CELF2: variants seen among roughly 807,000 people sequenced by gnomAD.
CELF2 encodes CUG triplet repeat RNA-binding protein 2.
In CELF2, 8 loss-of-function variants were observed where a neutral mutation model predicts 62.6. The observed-to-expected ratio is 0.13, with a 90% CI of 0.07 to 0.23. The LOEUF (loss-of-function observed/expected upper bound fraction) is 0.23. CELF2 is among the 10% of genes least tolerant of loss of function. CELF2 has a pLI of 1.00. For missense variants in CELF2, 333 were observed against 671.0 expected, an observed-to-expected ratio of 0.50 and a Z score of 5.56; for synonymous variants, 258 against 250.0, an observed-to-expected ratio of 1.03 and a Z score of -0.30.
At chr10:10,688,605 C>A in the CELF2 span, among the ~76,000 whole-genome samples, 2,461 of 152,308 alleles carry the variant, frequency 0.016, 31 homozygotes, top group African/African-American at 0.038. Context: ...CCAGTTATTC[C>A]TGGCACCTTT....
chr10:10,695,383 G>C, the CELF2 span, among the ~76,000 whole-genome samples: 1 of 144,968 alleles, frequency 6.9e-6, no homozygotes, highest in African/African-American at 2.5e-5. Flanking sequence ...TCAGCTGTTA[G>C]TCTGATGGGC....
the CELF2 span, among the ~76,000 whole-genome samples, chr10:10,570,168 G>A: frequency 2.6e-5 from 4 of 152,126 alleles, no homozygotes; most frequent in African/African-American, 9.7e-5. Context: ...GGGCATTGAG[G>A]GGAGCAGAGC....
the CELF2 span, among the ~76,000 whole-genome samples, chr10:10,768,622 G>A: frequency 6.7e-6 from 1 of 148,718 alleles, no homozygotes; most frequent in Non-Finnish European, 1.5e-5. Context: ...TGCCCATTCT[G>A]GAGTGCAGTG....
At chr10:10,771,820 C>A in the CELF2 span, among the ~76,000 whole-genome samples, 1 of 152,210 alleles carries the variant, frequency 6.6e-6, no homozygotes, top group Non-Finnish European at 1.5e-5. Flanking sequence ...ATGTCTTTCT[C>A]AGCAGCGTGA....
intron 1 of CELF2, among the ~76,000 whole-genome samples, chr10:11,091,738 T>C (rs944987062): frequency 6.6e-6 from 1 of 151,870 alleles, no homozygotes; most frequent in African/African-American, 2.4e-5. Flanking sequence ...CACAGAAAAA[T>C]GGGGAAAGGC....
chr10:10,866,607 CAAAAAAAAAAAAA>C (rs55875778), intron 1 of CELF2, among the ~76,000 whole-genome samples: 7 of 52,508 alleles, frequency 1.3e-4, no homozygotes, highest in Admixed American at 4.9e-4. Flanking sequence ...TCCATCCTCT[CAAAAAAAAAAAAA>C]AAAAAAAAAA....
intron 1 of CELF2, among the ~76,000 whole-genome samples, chr10:11,070,139 G>T (rs189930638): frequency 4.0e-4 from 52 of 130,924 alleles, no homozygotes; most frequent in African/African-American, 1.3e-3. Context: ...AAAAATAAAA[G>T]AGGTCCATTG....
Position 11,165,497 on chromosome 10 carries a change from C to G in CELF2, c.86C>G (p.Ala29Gly). Reference protein sequence around the residue: ...LLVPDRINGTANKMNGALDHS... With the variant: ...LLVPDRINGTGNKMNGALDHS... ...TCCGTTTTTGACAGTAACGGCACAG[C>G]CAACAAGATGAACGGAGCTTTGGAT... is the stretch of plus-strand genomic sequence containing the variant. The change falls in exon 2 of 13, where the codon GCC (alanine) becomes GGC (glycine). Residue 29 changes from alanine (A) to glycine (G), a missense_variant. Physicochemically the swap from Ala to Gly is moderately conservative, Grantham distance 60. Around this residue, in one of 3 missense-constraint regions of CELF2, gnomAD observed 45 missense variants for 39.8 expected, o/e 1.13. Transcript: ENST00000633077. This position sits in a 1 kb window ranked among gnomAD's most constrained non-coding sequence, Gnocchi z 7.4. The G allele has an allele frequency of 1.2e-6, 2 of 1,613,722 alleles. No individual in the cohort carries two copies. The highest frequency in any genetic ancestry group is 1.7e-6 in the Non-Finnish European group (2 of 1,179,836).
intron 2 of CELF2, among the ~76,000 whole-genome samples, chr10:10,987,706 A>G (rs1408136757): frequency 6.6e-6 from 1 of 152,152 alleles, no homozygotes; most frequent in African/African-American, 2.4e-5. Context: ...GAAAAAAACG[A>G]TCTCAATAGG....
the CELF2 span, among the ~76,000 whole-genome samples, chr10:10,700,795 C>G: frequency 9.3e-3 from 1,412 of 152,332 alleles, 8 homozygotes; most frequent in East Asian, 0.019. Flanking sequence ...TCTCTCTCTT[C>G]AGAAGATCTC....
chr10:11,001,863 G>A (rs1042414629), upstream of CELF2, among the ~76,000 whole-genome samples: 1 of 152,002 alleles, frequency 6.6e-6, no homozygotes, highest in Non-Finnish European at 1.5e-5. Context: ...TACTGCAGAT[G>A]ATCCCAAAAA....
chr10:10,919,178 G>A (rs1337858512), intron 1 of CELF2, among the ~76,000 whole-genome samples: 2 of 152,018 alleles, frequency 1.3e-5, no homozygotes, highest in Admixed American at 6.6e-5. Flanking sequence ...GCTGAGGCAC[G>A]AGAATCGCTG....
chr10:10,825,300 C>T (rs2057298648), intron 1 of CELF2, among the ~76,000 whole-genome samples: 1 of 152,196 alleles, frequency 6.6e-6, no homozygotes, highest in South Asian at 2.1e-4. Flanking sequence ...AGCTCCGCCT[C>T]CCAGGTTCAC....
In CELF2 at chr10:10,985,496, C is replaced by G. The variant is rs561179049; in HGVS notation, c.89+65497C>G. Among the ~76,000 whole-genome samples the G allele has an allele frequency of 5.9e-5, 9 of 152,294 alleles. No homozygotes were observed. The South Asian group carries it at 1.9e-3, about 32-fold the overall frequency. On this transcript the variant is annotated intron_variant, in intron 2 of 13. Coordinates refer to the CELF2 transcript ENST00000636488. ...CCTTTTGTAAGACACCCAACACAGA[C>G]TATTCTTGCATTTTAATTGACCACA...
chr10:11,203,784 CT>C (rs2059811637), intron 2 of CELF2, among the ~76,000 whole-genome samples: 2 of 152,340 alleles, frequency 1.3e-5, no homozygotes, highest in South Asian at 4.1e-4. Context: ...GGTCATCCTT[CT>C]TCTTTTAGGA....
chr10:10,577,674 A>T, the CELF2 span, among the ~76,000 whole-genome samples: 8 of 151,996 alleles, frequency 5.3e-5, no homozygotes, highest in Non-Finnish European at 1.0e-4. Flanking sequence ...CCATGTCCCT[A>T]TAAAGGACAT....
chr10:10,821,079 G>A (rs919390844), intron 1 of CELF2, among the ~76,000 whole-genome samples: 6 of 152,244 alleles, frequency 3.9e-5, no homozygotes, highest in Admixed American at 3.9e-4. Context: ...TTGTGGGGCT[G>A]AAGGAAAAGA....
chr10:10,967,758 T>C (rs1254603808), intron 2 of CELF2, among the ~76,000 whole-genome samples: 1 of 152,148 alleles, frequency 6.6e-6, no homozygotes, highest in Non-Finnish European at 1.5e-5. Context: ...CACTGATGGA[T>C]TTCAGAGCCC....
intron 1 of CELF2, among the ~76,000 whole-genome samples, chr10:10,857,762 T>C (rs2059829177): frequency 7.0e-6 from 1 of 141,874 alleles, no homozygotes; most frequent in Non-Finnish European, 1.5e-5. Flanking sequence ...AATCAGTCAA[T>C]AGAAAAAGAC....
Sources: gnomAD v4.1 joint callset for allele counts (sites outside exome capture counted in the v4.1 genomes callset) on GRCh38, gnomAD v4.1.1 for gene constraint, gnomAD v4.1.1 regional missense constraint, Gnocchi (gnomAD v3.1) non-coding constraint, MANE v1.5 for transcripts, NCBI Gene and HGNC (gene_info 2026-07-23, HGNC 2026-07-21) for gene names.